The following ADGRL2 variants were observed in gnomAD, a reference collection of about 807,000 sequenced individuals.
ADGRL2 encodes the protein calcium-independent alpha-latrotoxin receptor 2.
ADGRL2 carries 44 observed loss-of-function variants against 157.4 expected under a neutral mutation model. That is an observed-to-expected ratio of 0.28 (90% CI 0.22 to 0.36). The LOEUF (loss-of-function observed/expected upper bound fraction) is 0.36, where lower values mean the gene tolerates loss of function less well. ADGRL2 is among the 10% of genes least tolerant of loss of function. ADGRL2 has a pLI of 1.00. For missense variants in ADGRL2, 1,510 were observed against 1,768.9 expected, an observed-to-expected ratio of 0.85 and a Z score of 2.63; for synonymous variants, 585 against 624.7, an observed-to-expected ratio of 0.94 and a Z score of 0.95.
chr1:81,725,000 T>C (rs1570969531), intron 1 of ADGRL2, among the ~76,000 whole-genome samples: 1 of 151,078 alleles, frequency 6.6e-6, no homozygotes, highest in East Asian at 2.0e-4. Context: ...GGTCAGGAGT[T>C]TGAGACCAGC....
intron 2 of ADGRL2, among the ~76,000 whole-genome samples, chr1:81,564,859 T>A (rs2080523822): frequency 6.6e-6 from 1 of 152,012 alleles, no homozygotes; most frequent in Non-Finnish European, 1.5e-5. Context: ...CTGCAGAAAA[T>A]TTCCTGAATG....
In ADGRL2 at chr1:81,518,097, A is replaced by G. The variant is rs564752562; in HGVS notation, c.-247-62779A>G. Reference sequence around the variant, plus strand: ...CTAGGTTTTTAGCGAGGAAGGATGGAGAGTTCAGTTCTGCGTGACAGGCGC... The same window carrying G: ...CTAGGTTTTTAGCGAGGAAGGATGGGGAGTTCAGTTCTGCGTGACAGGCGC... On this transcript the variant is annotated intron_variant, in intron 2 of 24. Transcript: ENST00000370721. Among the ~76,000 whole-genome samples the G allele has an allele frequency of 2.0e-5, 3 of 152,382 alleles. No homozygotes were observed. In the South Asian group the frequency reaches 6.2e-4, roughly 32 times the overall value.
intron 2 of ADGRL2, among the ~76,000 whole-genome samples, chr1:81,889,897 A>AT (rs2094216951): frequency 6.6e-6 from 1 of 152,072 alleles, no homozygotes; most frequent in Admixed American, 6.5e-5. Context: ...AGATGTACCC[A>AT]CCCTTCTCTT....
chr1:81,977,649 A>G (rs1359498175), intron 17 of ADGRL2, among the ~76,000 whole-genome samples: 2 of 151,706 alleles, frequency 1.3e-5, no homozygotes, highest in East Asian at 1.9e-4. Context: ...TTTCCTTATA[A>G]ATTTTATACA....
chr1:81,702,922 A>G (rs1174189507), intron 1 of ADGRL2, among the ~76,000 whole-genome samples: 1 of 152,206 alleles, frequency 6.6e-6, no homozygotes, highest in Non-Finnish European at 1.5e-5. Context: ...AAGAAAGTAG[A>G]GAATTTATTC....
At chr1:81,705,564 G>A (rs532438445) in intron 1 of ADGRL2, among the ~76,000 whole-genome samples, 5 of 151,890 alleles carry the variant, frequency 3.3e-5, no homozygotes, top group South Asian at 2.1e-4. Context: ...GCTCTTAAAC[G>A]GCAAAATTCC....
In ADGRL2 at chr1:81,991,321, A is replaced by G; in HGVS notation, c.*176A>G. The G allele has an allele frequency of 1.8e-6, 1 of 555,908 alleles. No individual in the cohort carries two copies. The highest frequency in any genetic ancestry group is 3.1e-6 in the Non-Finnish European group (1 of 319,178). 34.4% of individuals were successfully genotyped at this position (555,908 alleles called of 1,614,324 possible). On this transcript the variant is annotated 3_prime_UTR_variant, in exon 24 of 24. Transcript: ENST00000686636. ...CTGTGAATTTTTATAAAACATACAA[A>G]AACTTTGTATATACACAGAGTATAC...
At chr1:81,327,772 G>A (rs2100672614) in intron 1 of ADGRL2, among the ~76,000 whole-genome samples, 1 of 152,142 alleles carries the variant, frequency 6.6e-6, no homozygotes, top group South Asian at 2.1e-4. Context: ...CTTTGCTCTT[G>A]TATACAACTT....
chr1:81,400,952 G>A lies in ADGRL2; in HGVS notation c.-301-44084G>A, dbSNP rs148375817. On this transcript the variant is annotated intron_variant, in intron 1 of 24. Coordinates refer to the ADGRL2 transcript ENST00000370721. ...CCTAGGATGCATAGCTGTTCAGTTC[G>A]GCCAAGAAAGGCAACATTTTCTCAG... is the stretch of plus-strand genomic sequence containing the variant. Among the ~76,000 whole-genome samples, 28 of 152,164 alleles carry A rather than the reference G, an allele frequency of 1.8e-4. No individual in the cohort carries two copies. In the East Asian group the frequency reaches 3.7e-3, roughly 20 times the overall value.
At chr1:81,923,570 T>C (rs1028512884) in intron 3 of ADGRL2, among the ~76,000 whole-genome samples, 1 of 151,978 alleles carries the variant, frequency 6.6e-6, no homozygotes, top group Non-Finnish European at 1.5e-5. Context: ...TCTCATCTTA[T>C]AGAATAGTTT....
chr1:81,412,628 T>G (rs1225565776), intron 1 of ADGRL2, among the ~76,000 whole-genome samples: 1 of 152,190 alleles, frequency 6.6e-6, no homozygotes, highest in East Asian at 1.9e-4. Context: ...ACTAGTAATA[T>G]TACTTGTTAT....
intron 1 of ADGRL2, among the ~76,000 whole-genome samples, chr1:81,329,702 T>C (rs1223887137): frequency 6.6e-6 from 1 of 152,108 alleles, no homozygotes; most frequent in South Asian, 2.1e-4. Flanking sequence ...CCACCAACTG[T>C]TTTTTAGATG....
chr1:81,663,520 A>T (rs935908241), intron 3 of ADGRL2, among the ~76,000 whole-genome samples: 2 of 152,080 alleles, frequency 1.3e-5, no homozygotes, highest in South Asian at 2.1e-4. Context: ...AGGTTAGTTG[A>T]TTTTCAGTGA....
chr1:81,947,950 C>T (rs777004716), intron 6 of ADGRL2, among the ~76,000 whole-genome samples: 9 of 152,002 alleles, frequency 5.9e-5, no homozygotes, highest in East Asian at 5.8e-4. Flanking sequence ...TGGGCACAGT[C>T]GCTCATGCCT....
chr1:81,531,410 G>A (rs1306949246), intron 2 of ADGRL2, among the ~76,000 whole-genome samples: 2 of 152,166 alleles, frequency 1.3e-5, no homozygotes, highest in Admixed American at 6.5e-5. Context: ...AGTTTCATTA[G>A]GGTAGGAATT....
intron 2 of ADGRL2, among the ~76,000 whole-genome samples, chr1:81,879,171 A>C (rs1021654783): frequency 6.6e-6 from 1 of 152,216 alleles, no homozygotes; most frequent in African/African-American, 2.4e-5. Flanking sequence ...AACATTGTGC[A>C]TTTAGAAATG....
chr1:81,561,810 T>C (rs2080449713), intron 2 of ADGRL2, among the ~76,000 whole-genome samples: 1 of 152,112 alleles, frequency 6.6e-6, no homozygotes, highest in Non-Finnish European at 1.5e-5. Context: ...GATTATAGGA[T>C]TTTCATGAAA....
chr1:81,404,271 C>T (rs1197488741), intron 1 of ADGRL2, among the ~76,000 whole-genome samples: 5 of 152,120 alleles, frequency 3.3e-5, no homozygotes, highest in South Asian at 4.2e-4. Flanking sequence ...TTTGAAGCCC[C>T]GGTTATCTTT....
intron 3 of ADGRL2, among the ~76,000 whole-genome samples, chr1:81,662,137 C>A (rs754996330): frequency 6.6e-6 from 1 of 152,018 alleles, no homozygotes; most frequent in African/African-American, 2.4e-5. Context: ...AAGCATTTAT[C>A]CTTCGAGTTA....
Sources: gnomAD v4.1 joint callset for allele counts (sites outside exome capture counted in the v4.1 genomes callset) on GRCh38, gnomAD v4.1.1 for gene constraint, MANE v1.5 for transcripts, NCBI Gene and HGNC (gene_info 2026-07-23, HGNC 2026-07-21) for gene names.